Variants in DOK5 observed in about 807,000 individuals in gnomAD.
DOK5 encodes downstream of tyrosine kinase 5.
DOK5 carries 27 observed loss-of-function variants against 43.3 expected under a neutral mutation model. The ratio of observed to expected loss-of-function variants is 0.62; its 90% CI spans 0.46 to 0.86. The LOEUF is 0.86. Ranked by LOEUF, DOK5 falls within the 40% of genes least tolerant of loss-of-function variation. DOK5 has a pLI of 0.00. For synonymous variants in DOK5, 146 were observed against 140.1 expected (o/e 1.04, Z -0.30); for missense variants, 373 against 392.9 (o/e 0.95, Z 0.43).
chr20:54,488,786 C>T (rs909728765), intron 1 of DOK5, among the ~76,000 whole-genome samples: 4 of 148,808 alleles, frequency 2.7e-5, no homozygotes, highest in Admixed American at 2.7e-4. Flanking sequence ...CCCCTCGTCC[C>T]TCCCTCCCTT....
At chr20:54,485,265 C>T (rs1981884712) in intron 1 of DOK5, among the ~76,000 whole-genome samples, 1 of 149,098 alleles carries the variant, frequency 6.7e-6, no homozygotes, top group South Asian at 2.1e-4. Context: ...CAGTGAGCGG[C>T]GGAGGTTGCA....
chr20:54,546,809 A>T (rs920906402), intron 1 of DOK5, among the ~76,000 whole-genome samples: 1 of 152,208 alleles, frequency 6.6e-6, no homozygotes, highest in Non-Finnish European at 1.5e-5. Flanking sequence ...CTGCATGAGA[A>T]AGTGCTCTTC....
intron 1 of DOK5, among the ~76,000 whole-genome samples, chr20:54,484,659 C>T (rs1981857513): frequency 6.6e-6 from 1 of 152,154 alleles, no homozygotes; most frequent in Non-Finnish European, 1.5e-5. Context: ...CCTCCATATC[C>T]CTAATCCCCT....
chr20:54,641,247 T>C (rs2146827943), intron 6 of DOK5, among the ~76,000 whole-genome samples: 1 of 152,294 alleles, frequency 6.6e-6, no homozygotes, highest in South Asian at 2.1e-4. Context: ...TTTTGGTAAT[T>C]GTGGAATTAT....
chr20:54,598,740 T>A (rs73144058), intron 5 of DOK5, among the ~76,000 whole-genome samples: 76 of 152,364 alleles, frequency 5.0e-4, no homozygotes, highest in African/African-American at 1.8e-3. Context: ...GAGAAACTTT[T>A]AGGTATGCCA....
chr20:54,586,244 G>A (rs1229163322), intron 2 of DOK5, among the ~76,000 whole-genome samples: 1 of 152,198 alleles, frequency 6.6e-6, no homozygotes, highest in Non-Finnish European at 1.5e-5. Context: ...GCTGGGTGCT[G>A]CAGAGAGACA....
chr20:54,481,165 T>TCTAC (rs1188574236), intron 1 of DOK5, among the ~76,000 whole-genome samples: 4 of 151,724 alleles, frequency 2.6e-5, no homozygotes, highest in Non-Finnish European at 5.9e-5. Context: ...TATCTATCTA[T>TCTAC]CTATCTATCT....
At chr20:54,541,252 C>T (rs967144948) in intron 1 of DOK5, among the ~76,000 whole-genome samples, 2 of 152,152 alleles carry the variant, frequency 1.3e-5, no homozygotes, top group African/African-American at 2.4e-5. Flanking sequence ...CCACTTTCAT[C>T]GTGGTCCAAG....
At chr20:54,640,453 A>G (rs757165204) in intron 6 of DOK5, among the ~76,000 whole-genome samples, 11 of 152,178 alleles carry the variant, frequency 7.2e-5, no homozygotes, top group Non-Finnish European at 1.2e-4. Flanking sequence ...ATTCTCACCA[A>G]ATGACTTCCT....
chr20:54,588,453 T>C (rs1324371416), intron 2 of DOK5, 30 bp from the exon 3 acceptor site: 1 of 1,576,174 alleles, frequency 6.3e-7, no homozygotes, highest in Non-Finnish European at 8.7e-7. Context: ...ATTCAGGGAG[T>C]GTGTCAAACT....
intron 1 of DOK5, among the ~76,000 whole-genome samples, chr20:54,480,268 A>C (rs1981616353): frequency 6.6e-6 from 1 of 152,114 alleles, no homozygotes; most frequent in African/African-American, 2.4e-5. Flanking sequence ...AGGATGAGAT[A>C]GGAGGTCGGC....
intron 1 of DOK5, among the ~76,000 whole-genome samples, chr20:54,488,256 C>G (rs776555767): frequency 3.7e-4 from 56 of 152,158 alleles, no homozygotes; most frequent in Non-Finnish European, 7.8e-4. Flanking sequence ...GATTGGATAG[C>G]AACCCTTCCC....
At chr20:54,646,988 C>T (rs1292792085) in intron 7 of DOK5, among the ~76,000 whole-genome samples, 2 of 150,550 alleles carry the variant, frequency 1.3e-5, no homozygotes, top group Admixed American at 1.3e-4. Flanking sequence ...GAATAATGGT[C>T]ATTTTCTTCA....
intron 6 of DOK5, among the ~76,000 whole-genome samples, chr20:54,614,108 G>A (rs941456553): frequency 6.6e-6 from 1 of 151,724 alleles, no homozygotes; most frequent in African/African-American, 2.4e-5. Context: ...CTGTGCATCA[G>A]CTTGATGCTC....
chr20:54,573,686 CAAAAAAAAAAAAA>C (rs1321685949), intron 2 of DOK5, among the ~76,000 whole-genome samples: 1 of 50,968 alleles, frequency 2.0e-5, no homozygotes, highest in African/African-American at 6.4e-5. Context: ...GACTCCATCT[CAAAAAAAAAAAAA>C]AAAAAAAAAA....
chr20:54,550,001 A>G (rs1344726855), intron 1 of DOK5, among the ~76,000 whole-genome samples: 2 of 152,314 alleles, frequency 1.3e-5, no homozygotes, highest in East Asian at 3.9e-4. Flanking sequence ...TCTGTTATTC[A>G]GACATAAGCA....
At chr20:54,643,386 T>C in intron 6 of DOK5, 72 bp from the exon 7 acceptor site, 3 of 1,582,566 alleles carry the variant, frequency 1.9e-6, no homozygotes, top group Non-Finnish European at 2.6e-6. Flanking sequence ...CTCCATGCTC[T>C]CCTGTTTCCT....
intron 6 of DOK5, among the ~76,000 whole-genome samples, chr20:54,629,081 C>T (rs1266434442): frequency 1.3e-5 from 2 of 152,204 alleles, no homozygotes; most frequent in East Asian, 3.8e-4. Context: ...GAGGACTCTG[C>T]TGCTCTCCTT....
At chr20:54,624,464 G>T (rs1163431476) in intron 6 of DOK5, among the ~76,000 whole-genome samples, 1 of 152,180 alleles carries the variant, frequency 6.6e-6, no homozygotes, top group African/African-American at 2.4e-5. Flanking sequence ...GGGCTTAAAG[G>T]TTTGTTGAAT....
Sources: allele counts gnomAD v4.1 joint callset (sites outside exome capture counted in the v4.1 genomes callset), GRCh38; gene constraint gnomAD v4.1.1; transcripts MANE v1.5; gene names NCBI Gene and HGNC (gene_info 2026-07-23, HGNC 2026-07-21).